The following ARID1B variants were observed in gnomAD, a reference collection of about 807,000 sequenced individuals.
ARID1B encodes the protein AT-rich interaction domain 1B.
In ARID1B, 30 loss-of-function variants were observed where a neutral mutation model predicts 212.3. That is an observed-to-expected ratio of 0.14 (90% CI 0.11 to 0.19). The LOEUF (loss-of-function observed/expected upper bound fraction) is 0.19. Among genes scored for constraint, ARID1B ranks in the 10% least tolerant of loss-of-function variants. The pLI is 1.00. For synonymous variants in ARID1B, 1,402 were observed against 1,301.7 expected (o/e 1.08, Z -1.66); for missense variants, 2,891 against 3,204.0 (o/e 0.90, Z 2.36).
chr6:157,124,325 T>G (rs1787987800), intron 6 of ARID1B, among the ~76,000 whole-genome samples: 1 of 152,248 alleles, frequency 6.6e-6, no homozygotes, highest in Admixed American at 6.5e-5. Context: ...GAGGAGAGTG[T>G]GTTTTAAAGC....
intron 2 of ARID1B, among the ~76,000 whole-genome samples, chr6:156,889,726 G>T (rs186146154): frequency 6.6e-6 from 1 of 152,276 alleles, no homozygotes; most frequent in African/African-American, 2.4e-5. Context: ...CAATAAAGGC[G>T]AACAGGGTGA....
chr6:156,782,363 G>A (rs1047940365), intron 1 of ARID1B, among the ~76,000 whole-genome samples: 1 of 151,804 alleles, frequency 6.6e-6, no homozygotes, highest in Non-Finnish European at 1.5e-5. Flanking sequence ...ATAGGAGAAG[G>A]GTCTTTTTAA....
intron 15 of ARID1B, 81 bp from the exon 16 acceptor site, chr6:157,196,084 A>G: frequency 3.2e-6 from 5 of 1,543,218 alleles, no homozygotes; most frequent in East Asian, 4.5e-5. Context: ...TCCAAAGACA[A>G]TAGAGATGAC....
chr6:157,023,275 T>A (rs1482276937), intron 4 of ARID1B: 2 of 152,256 alleles, frequency 1.3e-5, no homozygotes, highest in East Asian at 3.8e-4. Context: ...GGTTACTATC[T>A]GTAGAGCAGG....
At chr6:156,837,219 G>T (rs1043044735) in intron 2 of ARID1B, among the ~76,000 whole-genome samples, 5 of 152,182 alleles carry the variant, frequency 3.3e-5, no homozygotes, top group African/African-American at 1.2e-4. Flanking sequence ...GTATGTGTTA[G>T]ATGTGTAGAG....
chr6:156,851,324 A>G (rs1784568429), intron 2 of ARID1B, among the ~76,000 whole-genome samples: 1 of 152,178 alleles, frequency 6.6e-6, no homozygotes, highest in African/African-American at 2.4e-5. Flanking sequence ...CGGGTTATTT[A>G]TTTAGCATTC....
chr6:156,799,299 C>G (rs116683247), intron 1 of ARID1B, among the ~76,000 whole-genome samples: 1 of 152,188 alleles, frequency 6.6e-6, no homozygotes, highest in African/African-American at 2.4e-5. Context: ...ACACATCTAG[C>G]GAGTGGCACA....
rs1235681331 is a variant in ARID1B, at chr6:156,934,961, T to TAA, written c.2137-504_2137-503insAA. ...ATATATATATATATATATATATATA[T>TAA]AGTTTATATTTCTGCTGTTATTCAC... On this transcript the variant is annotated intron_variant, in intron 3 of 19. Coordinates refer to ENST00000636930, the MANE Select transcript of ARID1B (RefSeq NM_001374828.1). Among the ~76,000 whole-genome samples the TAA allele has an allele frequency of 1.6e-3, 141 of 90,430 alleles. 2 individuals are homozygous for TAA. The highest frequency in any genetic ancestry group is 5.7e-3 in the African/African-American group (131 of 22,990). 59.3% of individuals were successfully genotyped at this position (90,430 alleles called of 152,430 possible).
chr6:156,920,562 A>G (rs943458150), intron 3 of ARID1B, among the ~76,000 whole-genome samples: 28 of 152,186 alleles, frequency 1.8e-4, no homozygotes, highest in Non-Finnish European at 3.4e-4. Context: ...TGTATATTGT[A>G]TTCCAGAGGA....
intron 4 of ARID1B, among the ~76,000 whole-genome samples, chr6:156,983,462 G>T (rs1454139115): frequency 6.6e-6 from 1 of 152,148 alleles, no homozygotes; most frequent in Non-Finnish European, 1.5e-5. Context: ...ATGTGGACAG[G>T]TAGGCATTTC....
At chr6:156,789,605 A>G (rs1779880976) in intron 1 of ARID1B, among the ~76,000 whole-genome samples, 1 of 152,244 alleles carries the variant, frequency 6.6e-6, no homozygotes, top group Non-Finnish European at 1.5e-5. Context: ...GAGTTGAGGC[A>G]GGAAGGCTCC....
intron 3 of ARID1B, among the ~76,000 whole-genome samples, chr6:156,933,521 G>A (rs1582979444): frequency 6.6e-6 from 1 of 152,306 alleles, no homozygotes; most frequent in East Asian, 1.9e-4. Context: ...AAGGTGGTGG[G>A]GAGAGTGGTC....
At chr6:156,838,071 A>G (rs958043011) in intron 2 of ARID1B, among the ~76,000 whole-genome samples, 3 of 152,232 alleles carry the variant, frequency 2.0e-5, no homozygotes, top group Non-Finnish European at 2.9e-5. Flanking sequence ...ATTCCAAAGA[A>G]TGAGCCAAAT....
At chr6:157,075,787 GA>G (rs1338232498) in intron 4 of ARID1B, among the ~76,000 whole-genome samples, 1 of 152,222 alleles carries the variant, frequency 6.6e-6, no homozygotes, top group African/African-American at 2.4e-5. Flanking sequence ...CTCATCATGA[GA>G]AAACACCAAG....
At chr6:157,188,352 A>C (rs1793126589) in intron 13 of ARID1B, among the ~76,000 whole-genome samples, 1 of 152,190 alleles carries the variant, frequency 6.6e-6, no homozygotes, top group Non-Finnish European at 1.5e-5. Context: ...ATTCCAACCC[A>C]GGCCAGAGGC....
rs750505782 is a variant in ARID1B at position 157,148,987 on chromosome 6, C to T, written c.3089+36C>T. On this transcript the variant is annotated intron_variant, in intron 8 of 19. Coordinates refer to ENST00000636930, the MANE Select transcript of ARID1B (RefSeq NM_001374828.1). This position sits in a 1 kb window ranked among gnomAD's most constrained non-coding sequence, Gnocchi z 5.6. ...CAGGAGCACGCCCCGGGCAGGTACG[C>T]TGTGTGTCTACCCGTGACCACGTGA... 2.5e-6 allele frequency: 4 copies of T among 1,580,920 alleles called. No homozygotes were observed. The highest frequency in any genetic ancestry group is 2.3e-5 in the South Asian group (2 of 88,294).
At chr6:156,975,709 T>A (rs1777194851) in intron 4 of ARID1B, among the ~76,000 whole-genome samples, 1 of 151,950 alleles carries the variant, frequency 6.6e-6, no homozygotes, top group South Asian at 2.1e-4. Context: ...TTATTGTTCT[T>A]GATGTAATGT....
rs1474425561 is a variant in ARID1B, at chr6:156,778,712, C to G, written c.1032C>G (p.Pro344=). 6.6e-7 allele frequency: 1 copy of G among 1,522,874 alleles called. No individual in the cohort carries two copies. Among genetic ancestry groups the G allele is most frequent in the South Asian group, 1.2e-5 (1 of 81,842 alleles). 94.3% of individuals were successfully genotyped at this position (1,522,874 alleles called of 1,614,324 possible). A position where few individuals can be genotyped will look rare whatever the true frequency, so the allele number is the denominator to read the frequency against. Residue 344 remains proline, a synonymous_variant, in exon 1 of 20, where the codon CCC becomes CCG. Transcript: ENST00000636930. ...CFDQHGGQQS[P]GMGMMHSASA... is the part of the protein sequence containing the mutation. ...ATCAACATGGCGGACAACAAAGCCCCGGGATGGGGATGATGCACTCCGCCT... is the reference window on the plus strand; with the variant it reads ...ATCAACATGGCGGACAACAAAGCCCGGGGATGGGGATGATGCACTCCGCCT...
At chr6:156,963,144 T>C (rs1794514632) in intron 4 of ARID1B, among the ~76,000 whole-genome samples, 1 of 152,218 alleles carries the variant, frequency 6.6e-6, no homozygotes, top group Non-Finnish European at 1.5e-5. Flanking sequence ...CTGTTTGTTT[T>C]AGAGGGCTTA....
Sources: gnomAD v4.1 joint callset for allele counts (sites outside exome capture counted in the v4.1 genomes callset) on GRCh38, gnomAD v4.1.1 for gene constraint, Gnocchi (gnomAD v3.1) non-coding constraint, MANE v1.5 for transcripts, NCBI Gene and HGNC (gene_info 2026-07-23, HGNC 2026-07-21) for gene names.